MGST1: variants seen among roughly 807,000 people sequenced by gnomAD.
MGST1 encodes the protein glutathione S-transferase 12.
MGST1 carries 5 observed loss-of-function variants against 8.9 expected under a neutral mutation model. The observed-to-expected ratio is 0.56, with a 90% confidence interval of 0.29 to 1.19. The LOEUF is 1.19. Among genes scored for constraint, MGST1 ranks in the 50% most tolerant of loss-of-function variants. The pLI is 0.08. For synonymous variants in MGST1, 54 were observed against 67.8 expected (o/e 0.80, Z 1.00); for missense variants, 182 against 187.4 (o/e 0.97, Z 0.17).
At chr12:16,352,417 C>T (rs1939510419) in intron 1 of MGST1, among the ~76,000 whole-genome samples, 1 of 152,086 alleles carries the variant, frequency 6.6e-6, no homozygotes, top group South Asian at 2.1e-4. Context: ...CAGGAATGAA[C>T]ATCATCTAGA....
chr12:16,470,277 C>T (rs1038148302), intron 4 of MGST1, among the ~76,000 whole-genome samples: 1 of 152,136 alleles, frequency 6.6e-6, no homozygotes, highest in Non-Finnish European at 1.5e-5. Flanking sequence ...ATACTTTATC[C>T]TGCAATTTAG....
At position 16,423,868 on chromosome 12, in the gene MGST1, A is replaced by G. The variant is rs545574275; in HGVS notation, n.779-13520A>G. On this transcript the variant is annotated intron_variant and non_coding_transcript_variant, in intron 1 of 1. Coordinates refer to the MGST1 transcript ENST00000359720. Reference sequence around the variant, plus strand: ...ACATTCTCACCAGGCCCTTTCTGCTATGATTCCCACGTGATAGTCTCCTGT... The same window carrying G: ...ACATTCTCACCAGGCCCTTTCTGCTGTGATTCCCACGTGATAGTCTCCTGT... Among the ~76,000 whole-genome samples, 18 of 152,314 alleles carry G rather than the reference A, an allele frequency of 1.2e-4. 1 individual carries two copies. Among genetic ancestry groups the G allele is most frequent in the Non-Finnish European group, 1.8e-4 (12 of 68,030 alleles).
At chr12:16,510,843 A>C (rs1178614497) in intron 4 of MGST1, among the ~76,000 whole-genome samples, 3 of 152,188 alleles carry the variant, frequency 2.0e-5, no homozygotes, top group Non-Finnish European at 4.4e-5. Context: ...ATAATTTAGA[A>C]GGGAAAGGCA....
At position 16,546,183 on chromosome 12, in the gene MGST1, C is replaced by T. The variant is rs1260596096; in HGVS notation, n.483-43345C>T. Reference sequence around the variant, plus strand: ...GAAGATGGGTCATATGAAAATGTTACCTGTTTCAAATGAACTGTTTTGCTT... The same window carrying T: ...GAAGATGGGTCATATGAAAATGTTATCTGTTTCAAATGAACTGTTTTGCTT... On this transcript the variant is annotated intron_variant and non_coding_transcript_variant, in intron 4 of 4. Coordinates refer to the MGST1 transcript ENST00000538857. The surrounding 1 kb of genome is among the most constrained non-coding windows in gnomAD (Gnocchi z 4.7). Among the ~76,000 whole-genome samples the T allele has an allele frequency of 6.6e-6, 1 of 152,066 alleles. No individual in the cohort carries two copies. The highest frequency in any genetic ancestry group is 1.5e-5 in the Non-Finnish European group (1 of 67,968).
At chr12:16,426,412 A>T (rs1940889481) in intron 1 of MGST1, among the ~76,000 whole-genome samples, 1 of 152,224 alleles carries the variant, frequency 6.6e-6, no homozygotes, top group South Asian at 2.1e-4. Flanking sequence ...AGTTGAAATT[A>T]GACTCTTCTT....
At chr12:16,418,196 G>A (rs1048783152) in intron 1 of MGST1, among the ~76,000 whole-genome samples, 2 of 152,138 alleles carry the variant, frequency 1.3e-5, no homozygotes, top group Non-Finnish European at 2.9e-5. Flanking sequence ...ATAGAGTGGC[G>A]ATTATTGTCT....
chr12:16,456,112 A>G (rs1352964526), intron 4 of MGST1, among the ~76,000 whole-genome samples: 1 of 151,832 alleles, frequency 6.6e-6, no homozygotes, highest in African/African-American at 2.4e-5. Flanking sequence ...TATATGCCTG[A>G]TATCGTGCCC....
At chr12:16,565,792 C>T (rs1565487962) in intron 4 of MGST1, among the ~76,000 whole-genome samples, 1 of 150,588 alleles carries the variant, frequency 6.6e-6, no homozygotes, top group Non-Finnish European at 1.5e-5. Flanking sequence ...GGAGGTTCCT[C>T]AAAAAAATTA....
intron 4 of MGST1, among the ~76,000 whole-genome samples, chr12:16,528,854 AG>A (rs758536718): frequency 2.6e-5 from 4 of 152,072 alleles, no homozygotes; most frequent in Non-Finnish European, 5.9e-5. Context: ...CCTGGCTAGA[AG>A]GGTGAATGCC....
rs796871816 is a variant in MGST1 at position 16,454,942 on chromosome 12, G to A, written n.482+71338G>A. Among the ~76,000 whole-genome samples the A allele has an allele frequency of 5.2e-4, 77 of 148,846 alleles. 1 individual carries two copies. Among genetic ancestry groups the A allele is most frequent in the Non-Finnish European group, 2.8e-4 (19 of 67,466 alleles). ...ATTTGAGGAGAACCAGGGCAGGACAGTGTCAGATATCTCACATTAAGAAGA... is the reference window on the plus strand; with the variant it reads ...ATTTGAGGAGAACCAGGGCAGGACAATGTCAGATATCTCACATTAAGAAGA... On this transcript the variant is annotated intron_variant and non_coding_transcript_variant, in intron 4 of 4. Transcript: ENST00000538857.
intron 4 of MGST1, among the ~76,000 whole-genome samples, chr12:16,446,257 A>G (rs112582989): frequency 6.6e-6 from 1 of 151,954 alleles, no homozygotes; most frequent in Admixed American, 6.6e-5. Flanking sequence ...ACAAATAGCT[A>G]GAGGTGCAGT....
At chr12:16,377,374 C>A (rs1476901667), downstream of MGST1, among the ~76,000 whole-genome samples, 1 of 146,620 alleles carries the variant, frequency 6.8e-6, no homozygotes, top group Non-Finnish European at 1.5e-5. Flanking sequence ...TCAATTCCCA[C>A]CTATGAGTGA....
chr12:16,402,167 CA>C (rs1940661253), intron 1 of MGST1: 16 of 1,566,520 alleles, frequency 1.0e-5, no homozygotes, highest in Non-Finnish European at 1.4e-5. Context: ...CAATTTGTTT[CA>C]AAAACTCCAC....
At chr12:16,562,437 T>C (rs1319514061) in intron 4 of MGST1, among the ~76,000 whole-genome samples, 1 of 152,244 alleles carries the variant, frequency 6.6e-6, no homozygotes, top group Non-Finnish European at 1.5e-5. Context: ...CTAATAAACA[T>C]ACACACAATG....
At chr12:16,399,212 G>A in intron 1 of MGST1, 1 of 1,403,862 alleles carries the variant, frequency 7.1e-7, no homozygotes, top group Non-Finnish European at 9.9e-7. Flanking sequence ...CAGTTTCTAT[G>A]TCATGTAAAA....
In MGST1 at chr12:16,401,392, A is replaced by G. The variant is rs1940654621; in HGVS notation, n.778+17788A>G. On this transcript the variant is annotated intron_variant and non_coding_transcript_variant, in intron 1 of 1. Coordinates refer to the MGST1 transcript ENST00000359720. The surrounding 1 kb of genome is among the most constrained non-coding windows in gnomAD (Gnocchi z 4.3). ...CACCCCAAATCCTAGGTTTCTGGTA[A>G]TTTTGTTCAGGAGTTCTGGCTTCTG... is the stretch of plus-strand genomic sequence containing the variant. 2.7e-6 allele frequency: 3 copies of G among 1,092,406 alleles called. No homozygotes were observed. Among genetic ancestry groups the G allele is most frequent in the Admixed American group, 3.4e-5 (2 of 58,906 alleles). 67.7% of individuals were successfully genotyped at this position (1,092,406 alleles called of 1,614,324 possible).
chr12:16,404,650 C>A (rs1259396286), intron 1 of MGST1, among the ~76,000 whole-genome samples: 2 of 152,024 alleles, frequency 1.3e-5, no homozygotes, highest in Non-Finnish European at 2.9e-5. Context: ...TTTCAAGGAC[C>A]ATAGGAGCTT....
chr12:16,550,263 A>G (rs1484035080), intron 4 of MGST1: 1 of 152,404 alleles, frequency 6.6e-6, no homozygotes, highest in Non-Finnish European at 1.5e-5. Flanking sequence ...TCTTGTGGAG[A>G]GATCTGGGCA....
rs1278494159 is a variant in MGST1, at chr12:16,482,858, A to AG, written n.482+99255dup. 1.1e-4 allele frequency among the ~76,000 whole-genome samples: 17 copies of AG among 152,300 alleles called. No homozygotes were observed. Among genetic ancestry groups the AG allele is most frequent in the Non-Finnish European group, 2.4e-4 (16 of 68,020 alleles). On this transcript the variant is annotated intron_variant and non_coding_transcript_variant, in intron 4 of 4. Coordinates refer to the MGST1 transcript ENST00000538857. The surrounding 1 kb of genome is among the most constrained non-coding windows in gnomAD (Gnocchi z 4.2). ...GATTCAGCAATCAGGAGTCCTAGGC[A>AG]GAGTAGTTTCAAGGTCTTGAACCAC...
Sources: allele counts gnomAD v4.1 joint callset (sites outside exome capture counted in the v4.1 genomes callset), GRCh38; gene constraint gnomAD v4.1.1; non-coding constraint Gnocchi (gnomAD v3.1); transcripts MANE v1.5; gene names NCBI Gene and HGNC (gene_info 2026-07-23, HGNC 2026-07-21).